The following ARFGEF1 variants were observed in gnomAD, a reference collection of about 807,000 sequenced individuals.
ARFGEF1 encodes the protein ARF guanine nucleotide exchange factor 1.
ARFGEF1 carries 42 observed loss-of-function variants against 231.0 expected under a neutral mutation model. The ratio of observed to expected loss-of-function variants is 0.18; its 90% CI spans 0.14 to 0.24. The LOEUF (loss-of-function observed/expected upper bound fraction) is 0.24, where lower values mean the gene tolerates loss of function less well. Ranked by LOEUF, ARFGEF1 falls within the 10% of genes least tolerant of loss-of-function variation. ARFGEF1 has a pLI of 1.00. For synonymous variants in ARFGEF1, 710 were observed against 732.3 expected (o/e 0.97, Z 0.49); for missense variants, 1,345 against 2,192.0 (o/e 0.61, Z 7.72).
intron 1 of ARFGEF1, among the ~76,000 whole-genome samples, chr8:67,321,696 G>A (rs933345385): frequency 2.0e-5 from 3 of 152,102 alleles, no homozygotes; most frequent in South Asian, 2.1e-4. Flanking sequence ...TCCTGACTTC[G>A]TGATCCGCCC....
rs753689463 is a variant in ARFGEF1, at chr8:67,197,758, A to G, written c.*1176T>C. 469 of 985,718 alleles carry G rather than the reference A, an allele frequency of 4.8e-4. 1 individual carries two copies. The highest frequency in any genetic ancestry group is 5.1e-4 in the Non-Finnish European group (427 of 829,940). 61.1% of individuals were successfully genotyped at this position (985,718 alleles called of 1,614,324 possible). On this transcript the variant is annotated 3_prime_UTR_variant, in exon 39 of 39. Coordinates refer to ENST00000262215, the MANE Select transcript of ARFGEF1 (RefSeq NM_006421.5). ...AATATTGTACAGAAAGTTGTACAGA[A>G]TTTTTTACATAGAAAACTTTACATC...
At chr8:67,231,158 T>C (rs904971497) in intron 23 of ARFGEF1, among the ~76,000 whole-genome samples, 3 of 152,056 alleles carry the variant, frequency 2.0e-5, no homozygotes, top group Non-Finnish European at 4.4e-5. Context: ...AGTTGGGTAA[T>C]GGACCAAAGT....
At chr8:67,204,332 T>C (rs1262399779) in intron 35 of ARFGEF1, among the ~76,000 whole-genome samples, 1 of 152,204 alleles carries the variant, frequency 6.6e-6, no homozygotes, top group Non-Finnish European at 1.5e-5. Context: ...AACAAGCGAC[T>C]GATCACATGC....
Position 67,276,000 on chromosome 8 carries a change from A to G in ARFGEF1, c.1313T>C (p.Leu438Pro). 5 of 1,613,384 alleles carry G rather than the reference A, an allele frequency of 3.1e-6. No homozygotes were observed. The highest frequency in any genetic ancestry group is 4.2e-6 in the Non-Finnish European group (5 of 1,179,506). The change falls in exon 9 of 39, where the codon CTG (leucine) becomes CCG (proline). Residue 438 changes from leucine to proline, a missense_variant. Leu to Pro is a moderately conservative substitution (Grantham distance 98, BLOSUM62 -3). Transcript: ENST00000262215. ...CTTTGGATCTGGTGGTCCATCTGAC[A>G]GTGGTTTCATTGACAGTTTACACAA... ...RSLCKLSMKP[L>P]SDGPPDPKSH...
chr8:67,292,549 T>C (rs1015556869), intron 5 of ARFGEF1, among the ~76,000 whole-genome samples: 1 of 152,176 alleles, frequency 6.6e-6, no homozygotes, highest in Non-Finnish European at 1.5e-5. Flanking sequence ...TTCTGGAGCA[T>C]GTTCTTATGT....
intron 1 of ARFGEF1, among the ~76,000 whole-genome samples, chr8:67,333,910 A>G (rs776902294): frequency 1.1e-4 from 17 of 152,150 alleles, no homozygotes; most frequent in Admixed American, 3.9e-4. Context: ...GGCCAAGGTC[A>G]GCGGATCACC....
In ARFGEF1 at chr8:67,324,296, G is replaced by GAAAAC. The variant is rs746740145; in HGVS notation, c.124+18863_124+18867dup. 2.0e-5 allele frequency among the ~76,000 whole-genome samples: 3 copies of GAAAAC among 152,182 alleles called. No individual in the cohort carries two copies. In the East Asian group the frequency reaches 5.8e-4, roughly 29 times the overall value. On this transcript the variant is annotated intron_variant, in intron 1 of 38. Coordinates refer to ENST00000262215, the MANE Select transcript of ARFGEF1 (RefSeq NM_006421.5). ...CAACTGAGTGAGACTCTGTCTCAAAGAAAACAAAACAAAACAAAAAAAGGT... is the reference window on the plus strand; with the variant it reads ...CAACTGAGTGAGACTCTGTCTCAAAGAAAACAAAACAAAACAAAACAAAAAAAGGT...
chr8:67,276,381 G>T (rs1170657768), intron 8 of ARFGEF1, among the ~76,000 whole-genome samples: 1 of 151,936 alleles, frequency 6.6e-6, no homozygotes, highest in Non-Finnish European at 1.5e-5. Flanking sequence ...TACTATTACT[G>T]ACAAAAAACT....
chr8:67,180,805 T>C (rs887479932), intron 5 of ARFGEF1, among the ~76,000 whole-genome samples: 1 of 152,234 alleles, frequency 6.6e-6, no homozygotes, highest in African/African-American at 2.4e-5. Flanking sequence ...AAAAAAGTCA[T>C]AAGACTTTTA....
chr8:67,207,556 A>G (rs934138678), intron 34 of ARFGEF1, among the ~76,000 whole-genome samples: 4 of 152,238 alleles, frequency 2.6e-5, no homozygotes, highest in African/African-American at 9.6e-5. Flanking sequence ...TGCCAGGGTT[A>G]TATTAGTCAA....
At chr8:67,258,617 C>G (rs1331978998) in intron 15 of ARFGEF1, among the ~76,000 whole-genome samples, 1 of 152,084 alleles carries the variant, frequency 6.6e-6, no homozygotes, top group Non-Finnish European at 1.5e-5. Context: ...CCACTGTGCC[C>G]GGCCAGAAAT....
chr8:67,286,074 T>C (rs1805744954), intron 7 of ARFGEF1, among the ~76,000 whole-genome samples: 1 of 152,216 alleles, frequency 6.6e-6, no homozygotes, highest in Non-Finnish European at 1.5e-5. Flanking sequence ...ATCGTGTTAA[T>C]TTCCCTAGGT....
chr8:67,184,943 CA>C (rs796384901), intron 5 of ARFGEF1, among the ~76,000 whole-genome samples: 1,046 of 56,042 alleles, frequency 0.019, 7 homozygotes, highest in African/African-American at 0.03. Flanking sequence ...ACTAAAAATA[CA>C]AAAAAAAAAA....
At chr8:67,216,813 AC>A (rs946378575) in intron 32 of ARFGEF1, 151 bp from the exon 33 acceptor site, 7 of 497,130 alleles carry the variant, frequency 1.4e-5, no homozygotes, top group Non-Finnish European at 2.1e-5. Flanking sequence ...TTCCTAAAAA[AC>A]ATCTAGTAAA....
Position 67,198,668 on chromosome 8 carries a change from G to A in ARFGEF1, c.*266C>T, listed in dbSNP as rs1007811991. On this transcript the variant is annotated 3_prime_UTR_variant, in exon 39 of 39. Transcript: ENST00000262215. ...CCAAAAACGTGGGGCTTTTCCTGCC[G>A]TGGAAGACAGGGAAGGACCCGTGAG... 5 of 1,151,588 alleles carry A rather than the reference G, an allele frequency of 4.3e-6. No individual in the cohort carries two copies. The highest frequency in any genetic ancestry group is 5.3e-6 in the Non-Finnish European group (5 of 935,832). 71.3% of individuals were successfully genotyped at this position (1,151,588 alleles called of 1,614,324 possible). A position where few individuals can be genotyped will look rare whatever the true frequency, so the allele number is the denominator to read the frequency against.
At chr8:67,312,635 A>G (rs1291874503) in intron 1 of ARFGEF1, among the ~76,000 whole-genome samples, 1 of 152,242 alleles carries the variant, frequency 6.6e-6, no homozygotes, top group Non-Finnish European at 1.5e-5. Context: ...AAGAATGGGA[A>G]GTGTAAAAAT....
chr8:67,271,429 T>G (rs1001322149), intron 10 of ARFGEF1, among the ~76,000 whole-genome samples: 12 of 152,182 alleles, frequency 7.9e-5, no homozygotes, highest in African/African-American at 2.7e-4. Flanking sequence ...AGGACCAAAT[T>G]AATTCAAGAG....
chr8:67,330,781 T>C (rs1808063647), intron 1 of ARFGEF1, among the ~76,000 whole-genome samples: 1 of 152,186 alleles, frequency 6.6e-6, no homozygotes, highest in African/African-American at 2.4e-5. Flanking sequence ...AAGCTTTGCT[T>C]GTCACTGCAT....
intron 4 of ARFGEF1, among the ~76,000 whole-genome samples, chr8:67,298,924 C>T (rs1806358147): frequency 1.3e-5 from 2 of 152,106 alleles, no homozygotes; most frequent in South Asian, 4.2e-4. Context: ...CACCATCATG[C>T]CCAGCTAATT....
Sources: allele counts gnomAD v4.1 joint callset (sites outside exome capture counted in the v4.1 genomes callset), GRCh38; gene constraint gnomAD v4.1.1; transcripts MANE v1.5; gene names NCBI Gene and HGNC (gene_info 2026-07-23, HGNC 2026-07-21).